Variants in XRCC6 observed in about 807,000 individuals in gnomAD.
XRCC6 encodes the protein X-ray repair cross complementing 6.
XRCC6 carries 5 observed loss-of-function variants against 65.7 expected under a neutral mutation model. That is an observed-to-expected ratio of 0.08 (90% CI 0.04 to 0.16). The LOEUF is 0.16. Ranked by LOEUF, XRCC6 falls within the 10% of genes least tolerant of loss-of-function variation. The pLI, the probability that XRCC6 is intolerant of heterozygous loss-of-function variation, is 1.00. For missense variants in XRCC6, 447 were observed against 738.1 expected (o/e 0.61, Z 4.57); for synonymous variants, 270 against 270.6 (o/e 1.00, Z 0.02).
chr22:41,636,047 G>T, intron 3 of XRCC6, 66 bp from the exon 4 acceptor site: 2 of 1,418,092 alleles, frequency 1.4e-6, no homozygotes, highest in Non-Finnish European at 1.9e-6. Context: ...GCAACTAATA[G>T]GTACTGAGCA....
rs1418195436 is a variant in XRCC6 at position 41,621,590 on chromosome 22, A to C, written c.-16+245A>C. Reference sequence around the variant, plus strand: ...TGCGCTTGCGGCCCGCCTGCGCTTGAGGCCTGTCTGCGTTTGAGATCTCAT... The same window carrying C: ...TGCGCTTGCGGCCCGCCTGCGCTTGCGGCCTGTCTGCGTTTGAGATCTCAT... On this transcript the variant is annotated intron_variant, in intron 1 of 12. Transcript: ENST00000360079. 5 of 169,262 alleles carry C rather than the reference A, an allele frequency of 3.0e-5. No homozygotes were observed. The South Asian group carries it at 5.1e-4, about 17-fold the overall frequency. 10.5% of individuals were successfully genotyped at this position (169,262 alleles called of 1,614,324 possible). A position where few individuals can be genotyped will look rare whatever the true frequency, so the allele number is the denominator to read the frequency against.
At chr22:41,649,850 T>A (rs113598774) in intron 7 of XRCC6, among the ~76,000 whole-genome samples, 3,672 of 24,722 alleles carry the variant, frequency 0.15, 166 homozygotes, top group African/African-American at 0.21. Context: ...AAAAAAAAAA[T>A]AATAATAAAT....
At chr22:41,648,043 TCC>T (rs2067954063) in intron 7 of XRCC6, 1 of 22,422 alleles carries the variant, frequency 4.5e-5, no homozygotes, top group Non-Finnish European at 1.2e-4. Flanking sequence ...TCCCCTCCCC[TCC>T]CCTCCCCTCC....
At chr22:41,646,821 T>G in intron 6 of XRCC6, 75 bp from the exon 7 acceptor site, 1 of 1,223,836 alleles carries the variant, frequency 8.2e-7, no homozygotes, top group Non-Finnish European at 1.2e-6. Context: ...CAGTGAAGCT[T>G]TGGTGTTATG....
intron 2 of XRCC6, among the ~76,000 whole-genome samples, chr22:41,626,830 C>G (rs904115740): frequency 6.6e-6 from 1 of 151,678 alleles, no homozygotes; most frequent in Non-Finnish European, 1.5e-5. Context: ...TTAGCAGAGA[C>G]AGGGTTTCAC....
chr22:41,652,967 C>T (rs747109741), intron 8 of XRCC6, among the ~76,000 whole-genome samples: 3 of 152,142 alleles, frequency 2.0e-5, no homozygotes, highest in Non-Finnish European at 4.4e-5. Context: ...CCACCATGCC[C>T]GGCCATAATT....
At chr22:41,628,338 C>G in intron 3 of XRCC6, 108 bp downstream of exon 3, 1 of 862,254 alleles carries the variant, frequency 1.2e-6, no homozygotes, top group South Asian at 1.7e-5. Context: ...ACGGGCAGAT[C>G]ACTTGAGCCT....
At chr22:41,649,529 A>G (rs918074479) in intron 7 of XRCC6, among the ~76,000 whole-genome samples, 1 of 151,950 alleles carries the variant, frequency 6.6e-6, no homozygotes, top group Non-Finnish European at 1.5e-5. Flanking sequence ...GAGACCTAGC[A>G]CAGTACCTGA....
intron 7 of XRCC6, chr22:41,648,019 TCCCTCCCCTCCCCTCCCCTCCCCTC>T (rs1172910245): frequency 2.4e-5 from 1 of 41,050 alleles, no homozygotes; most frequent in African/African-American, 7.8e-5. Context: ...TCTCTCCGAC[TCCCTCCCCTCCCCTCCCCTCCCCTC>T]CCCTCCCCTC....
Position 41,647,537 on chromosome 22 carries a change from C to T in XRCC6, c.960+455C>T, listed in dbSNP as rs554369280. ...CAGAGGTTGCGGTGAGCCGAGATCA[C>T]GCCATTGCGCTCCAGCCTGGGCAAC... On this transcript the variant is annotated intron_variant, in intron 7 of 12. Coordinates refer to ENST00000360079, the MANE Select transcript of XRCC6 (RefSeq NM_001469.5). Among the ~76,000 whole-genome samples, 10 of 150,438 alleles carry T rather than the reference C, an allele frequency of 6.6e-5. No individual in the cohort carries two copies. The South Asian group carries it at 1.9e-3, about 29-fold the overall frequency.
chr22:41,647,604 G>T (rs2067946927), intron 7 of XRCC6, among the ~76,000 whole-genome samples: 1 of 151,800 alleles, frequency 6.6e-6, no homozygotes, highest in South Asian at 2.1e-4. Context: ...AAAAGAGACG[G>T]TGTCTCGCTA....
At chr22:41,626,910 G>T (rs1251415772) in intron 2 of XRCC6, among the ~76,000 whole-genome samples, 1 of 152,080 alleles carries the variant, frequency 6.6e-6, no homozygotes, top group Non-Finnish European at 1.5e-5. Flanking sequence ...AAAGTGCTGG[G>T]ATTACAGGTG....
intron 6 of XRCC6, among the ~76,000 whole-genome samples, chr22:41,640,854 T>C (rs1242262769): frequency 6.6e-6 from 1 of 152,190 alleles, no homozygotes; most frequent in Non-Finnish European, 1.5e-5. Context: ...AGTGGGTAAA[T>C]GTAGGCCTTG....
At chr22:41,646,798 G>T in intron 6 of XRCC6, 98 bp from the exon 7 acceptor site, 1 of 1,030,374 alleles carries the variant, frequency 9.7e-7, no homozygotes, top group Non-Finnish European at 1.4e-6. Context: ...TAGGATTATT[G>T]GAGAGAATAA....
At position 41,650,870 on chromosome 22, in the gene XRCC6, C is replaced by T; in HGVS notation, c.1108C>T (p.Pro370Ser). 1 of 1,614,080 alleles carries T rather than the reference C, an allele frequency of 6.2e-7. No homozygotes were observed. The highest frequency in any genetic ancestry group is 1.6e-4 in the Middle Eastern group (1 of 6,062). ...HYLRPSLFVYPEESLVIGSST... is the reference protein window; with the variant it reads ...HYLRPSLFVYSEESLVIGSST... The stretch of plus-strand genomic sequence containing the variant: ...CCTGAGGCCCTCCCTGTTCGTGTAC[C>T]CAGAGGAGTCGCTGGTGATTGGTAA... Residue 370 changes from proline to serine, a missense_variant, in exon 8 of 13, where the codon CCA (proline) becomes TCA (serine). Pro to Ser is a moderately conservative substitution (Grantham distance 74, BLOSUM62 -1). Transcript: ENST00000360079.
intron 8 of XRCC6, among the ~76,000 whole-genome samples, chr22:41,652,645 C>T (rs752444353): frequency 5.9e-5 from 9 of 151,988 alleles, no homozygotes; most frequent in Non-Finnish European, 1.0e-4. Flanking sequence ...GGACTGTAAG[C>T]GTGAGCCACC....
At chr22:41,627,947 T>C (rs757345219) in intron 2 of XRCC6, among the ~76,000 whole-genome samples, 171 bp from the exon 3 acceptor site, 11 of 152,090 alleles carry the variant, frequency 7.2e-5, no homozygotes, top group Non-Finnish European at 1.5e-4. Flanking sequence ...TAAGAGGGAT[T>C]TCTGGGGTGT....
chr22:41,624,379 C>T (rs1374622208), intron 2 of XRCC6, among the ~76,000 whole-genome samples: 1 of 150,898 alleles, frequency 6.6e-6, no homozygotes, highest in East Asian at 2.0e-4. Flanking sequence ...CAGAGTGAAA[C>T]TCTATCTCAA....
chr22:41,657,656 A>AC (rs1299970394), intron 10 of XRCC6, among the ~76,000 whole-genome samples: 1 of 151,666 alleles, frequency 6.6e-6, no homozygotes, highest in Non-Finnish European at 1.5e-5. Flanking sequence ...AGTAGCTGGG[A>AC]CCATACCCTT....
Sources: allele counts gnomAD v4.1 joint callset (sites outside exome capture counted in the v4.1 genomes callset), GRCh38; gene constraint gnomAD v4.1.1; transcripts MANE v1.5; gene names NCBI Gene and HGNC (gene_info 2026-07-23, HGNC 2026-07-21).